Variants in UBE2V1 observed in about 807,000 individuals in gnomAD.
UBE2V1 encodes ubiquitin conjugating enzyme E2 V1, also known as ubiquitin-conjugating enzyme E2 variant 1.
In UBE2V1, 15 loss-of-function variants were observed where a neutral mutation model predicts 19.6. The ratio of observed to expected loss-of-function variants is 0.77; its 90% CI spans 0.51 to 1.18. The LOEUF is 1.18. UBE2V1 is among the 50% of genes most tolerant of loss of function. The probability of loss-of-function intolerance (pLI) is 0.00; values close to 1 mark genes in which losing one functional copy is unlikely to be tolerated. For synonymous variants in UBE2V1, 60 were observed against 60.7 expected, an observed-to-expected ratio of 0.99 and a Z score of 0.05; for missense variants, 125 against 184.8, an observed-to-expected ratio of 0.68 and a Z score of 1.88.
intron 1 of UBE2V1, among the ~76,000 whole-genome samples, chr20:50,110,258 G>A (rs1387664321): frequency 1.3e-5 from 2 of 152,188 alleles, no homozygotes; most frequent in Admixed American, 6.5e-5. Context: ...TCATAACATG[G>A]GGATTCTGAG....
chr20:50,084,582 T>C, intron 2 of UBE2V1: 1 of 477,734 alleles, frequency 2.1e-6, no homozygotes, highest in South Asian at 1.5e-5. Context: ...AGAGGCATTC[T>C]CTATTCTAGG....
intron 2 of UBE2V1, among the ~76,000 whole-genome samples, chr20:50,092,466 G>A (rs1406699523): frequency 1.3e-5 from 2 of 152,172 alleles, no homozygotes; most frequent in Admixed American, 6.5e-5. Context: ...CAATGGAGAC[G>A]GGGGTACTGC....
chr20:50,094,840 C>T (rs1004946108), intron 2 of UBE2V1: 2 of 152,020 alleles, frequency 1.3e-5, no homozygotes, highest in Non-Finnish European at 1.5e-5. Flanking sequence ...GTAAGACCAC[C>T]GAACTGTATA....
At chr20:50,104,650 T>C (rs1210687216) in intron 1 of UBE2V1, among the ~76,000 whole-genome samples, 3 of 58,202 alleles carry the variant, frequency 5.2e-5, no homozygotes, top group South Asian at 6.0e-4. Flanking sequence ...AGTGAGACTC[T>C]GGCACAAAAA....
chr20:50,105,660 T>C (rs1402108909), intron 1 of UBE2V1, among the ~76,000 whole-genome samples: 1 of 152,148 alleles, frequency 6.6e-6, no homozygotes, highest in Non-Finnish European at 1.5e-5. Flanking sequence ...AAAAATGGAC[T>C]CTTACAGGCC....
At chr20:50,100,200 G>A (rs975532928) in intron 1 of UBE2V1, among the ~76,000 whole-genome samples, 6 of 150,942 alleles carry the variant, frequency 4.0e-5, no homozygotes, top group Non-Finnish European at 7.4e-5. Context: ...AGGACTGCTT[G>A]AGCCTGGAAG....
At chr20:50,105,910 A>G (rs961708138) in intron 1 of UBE2V1, among the ~76,000 whole-genome samples, 16 of 152,178 alleles carry the variant, frequency 1.1e-4, no homozygotes, top group African/African-American at 3.4e-4. Context: ...AGCCTGGGCA[A>G]CAGAGACTCG....
intron 1 of UBE2V1, among the ~76,000 whole-genome samples, chr20:50,110,919 T>C (rs2080711332): frequency 6.6e-6 from 1 of 152,302 alleles, no homozygotes; most frequent in South Asian, 2.1e-4. Flanking sequence ...CTTTCCATTA[T>C]TTGACTCAGC....
At chr20:50,091,470 C>T (rs8125336) in intron 2 of UBE2V1, among the ~76,000 whole-genome samples, 41,737 of 138,226 alleles carry the variant, frequency 0.3, 7,342 homozygotes, top group South Asian at 0.47. Flanking sequence ...GGCGCGATCT[C>T]GGCTTACTGC....
intron 1 of UBE2V1, among the ~76,000 whole-genome samples, chr20:50,099,922 T>A (rs1438649995): frequency 6.6e-6 from 1 of 150,966 alleles, no homozygotes; most frequent in Non-Finnish European, 1.5e-5. Flanking sequence ...CATGGAGAAA[T>A]CTCATGTCTA....
chr20:50,115,490 CA>C (rs749956819), upstream of UBE2V1: 6 of 1,580,970 alleles, frequency 3.8e-6, no homozygotes, highest in Non-Finnish European at 5.2e-6. Flanking sequence ...CTCACCTTTG[CA>C]GTGAAATTTT....
intron 2 of UBE2V1, among the ~76,000 whole-genome samples, chr20:50,085,611 C>T (rs2078870699): frequency 6.6e-6 from 1 of 152,186 alleles, no homozygotes; most frequent in African/African-American, 2.4e-5. Context: ...TCTTGTACTG[C>T]ATAATTGCTC....
At chr20:50,093,683 C>T (rs2079374844) in intron 2 of UBE2V1, among the ~76,000 whole-genome samples, 1 of 152,010 alleles carries the variant, frequency 6.6e-6, no homozygotes, top group African/African-American at 2.4e-5. Context: ...TAGGTATACA[C>T]CCAGGGGAAT....
intron 1 of UBE2V1, among the ~76,000 whole-genome samples, chr20:50,106,182 T>C (rs1220401599): frequency 6.6e-6 from 1 of 152,184 alleles, no homozygotes; most frequent in Non-Finnish European, 1.5e-5. Context: ...TATTTGTTCC[T>C]ATTATTTCAG....
At chr20:50,088,629 T>TA (rs956827154) in intron 2 of UBE2V1, among the ~76,000 whole-genome samples, 68 of 150,454 alleles carry the variant, frequency 4.5e-4, no homozygotes, top group Non-Finnish European at 7.1e-4. Flanking sequence ...CTACAAAAAG[T>TA]AAAAAAAAAT....
chr20:50,093,987 C>CAAAAAAAAAAAAAAAAAAAAAAAA (rs60174191), intron 2 of UBE2V1, among the ~76,000 whole-genome samples: 2 of 56,284 alleles, frequency 3.6e-5, no homozygotes, highest in Non-Finnish European at 6.6e-5. Flanking sequence ...GACTCCAACT[C>CAAAAAAAAAAAAAAAAAAAAAAAA]AAAAAAAAAA....
At chr20:50,091,178 C>T (rs2079198457) in intron 2 of UBE2V1, among the ~76,000 whole-genome samples, 1 of 152,008 alleles carries the variant, frequency 6.6e-6, no homozygotes, top group South Asian at 2.1e-4. Flanking sequence ...TCTTGAGTAG[C>T]TGGGACTACA....
chr20:50,090,582 T>C (rs914088618), intron 2 of UBE2V1, among the ~76,000 whole-genome samples: 3 of 151,894 alleles, frequency 2.0e-5, no homozygotes, highest in African/African-American at 4.8e-5. Context: ...AAGTGTATGA[T>C]CTCAATTATA....
Position 50,081,477 on chromosome 20 carries a change from A to G in UBE2V1, c.*1291T>C, listed in dbSNP as rs2078642982. On this transcript the variant is annotated 3_prime_UTR_variant, in exon 4 of 4. Coordinates refer to ENST00000371674, the MANE Select transcript of UBE2V1 (RefSeq NM_001032288.3). ...AATTTGCCAGGAGGTCAAGCCCACC[A>G]ATTTCGGGGATCTGCTGTGCACACC... 6.6e-6 allele frequency: 1 copy of G among 152,642 alleles called. No individual in the cohort carries two copies. The allele number at this position is 152,642 out of a possible 1,614,324, so 9.5% of individuals were successfully genotyped here. A position where few individuals can be genotyped will look rare whatever the true frequency, so the allele number is the denominator to read the frequency against.
Sources: allele counts gnomAD v4.1 joint callset (sites outside exome capture counted in the v4.1 genomes callset), GRCh38; gene constraint gnomAD v4.1.1; transcripts MANE v1.5; gene names NCBI Gene and HGNC (gene_info 2026-07-23, HGNC 2026-07-21).